CUL3: variants seen among roughly 807,000 people sequenced by gnomAD.
CUL3 encodes cullin-3.
Under a neutral mutation model 89.1 loss-of-function variants are expected in CUL3, and 19 were observed. The observed-to-expected ratio is 0.21, with a 90% CI of 0.15 to 0.31. CUL3 has a LOEUF of 0.31. Ranked by LOEUF, CUL3 falls within the 10% of genes least tolerant of loss-of-function variation. CUL3 has a pLI of 1.00. For synonymous variants in CUL3, 351 were observed against 308.4 expected (o/e 1.14, Z -1.45); for missense variants, 469 against 942.3 (o/e 0.50, Z 6.58).
chr2:224,513,165 T>C (rs1463337898), intron 5 of CUL3, among the ~76,000 whole-genome samples: 1 of 152,222 alleles, frequency 6.6e-6, no homozygotes, highest in African/African-American at 2.4e-5. Flanking sequence ...CTGTTTATGT[T>C]ATCTGTAAGG....
Position 224,537,784 on chromosome 2 carries a change from A to G in CUL3, c.265-2143T>C, listed in dbSNP as rs534729557. Among the ~76,000 whole-genome samples the G allele has an allele frequency of 2.0e-5, 3 of 152,300 alleles. No individual in the cohort carries two copies. In the South Asian group the frequency reaches 6.2e-4, roughly 32 times the overall value. ...GAACTTCTACATACCGCTATATTAT[A>G]AAATTAAGTTAAATGTTAACTACAT... On this transcript the variant is annotated intron_variant, in intron 2 of 15. Coordinates refer to ENST00000264414, the MANE Select transcript of CUL3 (RefSeq NM_003590.5).
intron 1 of CUL3, among the ~76,000 whole-genome samples, chr2:224,583,803 T>A (rs1695501395): frequency 6.6e-6 from 1 of 152,178 alleles, no homozygotes; most frequent in Non-Finnish European, 1.5e-5. Flanking sequence ...TCAAGGTAAG[T>A]CTTTCCTCAC....
intron 1 of CUL3, among the ~76,000 whole-genome samples, chr2:224,563,519 A>T (rs1174629061): frequency 6.6e-6 from 1 of 152,238 alleles, no homozygotes; most frequent in African/African-American, 2.4e-5. Flanking sequence ...ATCTTAAAGA[A>T]GATAAACTAC....
chr2:224,566,367 A>G (rs1268224323), intron 1 of CUL3, among the ~76,000 whole-genome samples: 1 of 152,214 alleles, frequency 6.6e-6, no homozygotes, highest in Non-Finnish European at 1.5e-5. Context: ...TAGTAGATTT[A>G]TAGATAAAGT....
intron 13 of CUL3, among the ~76,000 whole-genome samples, chr2:224,489,978 A>C (rs945373045): frequency 7.2e-5 from 11 of 152,236 alleles, no homozygotes; most frequent in Admixed American, 2.6e-4. Context: ...TAATATCCAG[A>C]ATCTACAAGG....
chr2:224,546,172 T>C (rs1694284738), intron 2 of CUL3, among the ~76,000 whole-genome samples: 1 of 152,196 alleles, frequency 6.6e-6, no homozygotes, highest in African/African-American at 2.4e-5. Flanking sequence ...AAAGCTATTA[T>C]TATAGCATTA....
At chr2:224,538,939 G>T (rs1337309788) in intron 2 of CUL3, among the ~76,000 whole-genome samples, 2 of 152,124 alleles carry the variant, frequency 1.3e-5, no homozygotes, top group Admixed American at 1.3e-4. Context: ...GGCTGAGGGG[G>T]TAGGATTGTT....
In CUL3 at chr2:224,557,677, G is replaced by T. The variant is rs1403199860; in HGVS notation, c.246C>A (p.Thr82=). 6.2e-7 allele frequency: 1 copy of T among 1,609,332 alleles called. No homozygotes were observed. The highest frequency in any genetic ancestry group is 8.5e-7 in the Non-Finnish European group (1 of 1,177,010). Residue 82 remains threonine (T), a synonymous_variant, in exon 2 of 16, where the codon ACC becomes ACA. Coordinates refer to ENST00000264414, the MANE Select transcript of CUL3 (RefSeq NM_003590.5). ...KLYTGLREVV[T]EHLINKVRED... ...TTGATACCTTATTTATGAGATGTTC[G>T]GTAACAACTTCTCTTAGTCCAGTGT...
intron 13 of CUL3, among the ~76,000 whole-genome samples, chr2:224,484,761 C>G (rs565337449): frequency 6.6e-6 from 1 of 152,262 alleles, no homozygotes; most frequent in African/African-American, 2.4e-5. Flanking sequence ...GAATTGAGGT[C>G]TTAATACTAC....
At chr2:224,522,593 C>T (rs759955987) in intron 3 of CUL3, among the ~76,000 whole-genome samples, 10 of 152,046 alleles carry the variant, frequency 6.6e-5, no homozygotes, top group Non-Finnish European at 1.3e-4. Context: ...CTTGGGAGGC[C>T]GAGGCGGGCG....
intron 13 of CUL3, among the ~76,000 whole-genome samples, chr2:224,488,567 A>G (rs538178441): frequency 6.6e-6 from 1 of 152,334 alleles, no homozygotes; most frequent in East Asian, 1.9e-4. Flanking sequence ...CTAAGCCAGG[A>G]AGAAGTTGAA....
intron 15 of CUL3, among the ~76,000 whole-genome samples, chr2:224,474,830 C>T (rs919225540): frequency 2.6e-5 from 4 of 152,162 alleles, no homozygotes; most frequent in African/African-American, 4.8e-5. Flanking sequence ...AATGTGTTAA[C>T]AGATGTAACG....
At position 224,564,376 on chromosome 2, in the gene CUL3, G is replaced by A. The variant is rs538827416; in HGVS notation, c.67-6520C>T. On this transcript the variant is annotated intron_variant, in intron 1 of 15. Coordinates refer to ENST00000264414, the MANE Select transcript of CUL3 (RefSeq NM_003590.5). The stretch of plus-strand genomic sequence containing the variant: ...TTTGCTGTCGCAACTCAAAACTACA[G>A]AAGTATGGCCACTATCATTCACCTT... Among the ~76,000 whole-genome samples, 6 of 152,334 alleles carry A rather than the reference G, an allele frequency of 3.9e-5. No individual in the cohort carries two copies. In the South Asian group the frequency reaches 1.2e-3, roughly 32 times the overall value.
chr2:224,480,937 G>T (rs575387416), intron 14 of CUL3, among the ~76,000 whole-genome samples: 186 of 152,088 alleles, frequency 1.2e-3, no homozygotes, highest in African/African-American at 4.3e-3. Flanking sequence ...CAAGACAAAG[G>T]GGGCAAAGCC....
At chr2:224,562,945 A>T in intron 1 of CUL3, 1 of 182,542 alleles carries the variant, frequency 5.5e-6, no homozygotes, top group East Asian at 1.7e-4. Flanking sequence ...TGGGTTCAAT[A>T]ACAGCATCTA....
chr2:224,514,067 C>T (rs534936562), intron 4 of CUL3, among the ~76,000 whole-genome samples: 7 of 152,232 alleles, frequency 4.6e-5, no homozygotes, highest in South Asian at 2.1e-4. Context: ...GAACTTTACA[C>T]GTTTTCATCC....
chr2:224,554,270 C>T (rs908602503), intron 2 of CUL3, among the ~76,000 whole-genome samples: 1 of 152,106 alleles, frequency 6.6e-6, no homozygotes, highest in Admixed American at 6.5e-5. Flanking sequence ...CAAGTCTCTT[C>T]GTCTCGTTTT....
At position 224,581,383 on chromosome 2, in the gene CUL3, G is replaced by A. The variant is rs1236569175; in HGVS notation, c.66+3561C>T. Among the ~76,000 whole-genome samples, 8 of 147,726 alleles carry A rather than the reference G, an allele frequency of 5.4e-5. No homozygotes were observed. In the Middle Eastern group the frequency reaches 0.011, roughly 202 times the overall value. ...TGCACTTCAGCCTGGGTGACAGAGC[G>A]AGTTTCCATCTCAAAAAAAAAAAAA... On this transcript the variant is annotated intron_variant, in intron 1 of 15. Transcript: ENST00000264414.
At chr2:224,544,051 G>A (rs1172038081) in intron 2 of CUL3, among the ~76,000 whole-genome samples, 1 of 151,910 alleles carries the variant, frequency 6.6e-6, no homozygotes, top group Non-Finnish European at 1.5e-5. Context: ...CAACCTCTTT[G>A]CAGACAACTG....
Sources: allele counts gnomAD v4.1 joint callset (sites outside exome capture counted in the v4.1 genomes callset), GRCh38; gene constraint gnomAD v4.1.1; transcripts MANE v1.5; gene names NCBI Gene and HGNC (gene_info 2026-07-23, HGNC 2026-07-21).